Variants in QTGAL observed in about 807,000 individuals in gnomAD.
QTGAL encodes the protein BGnT-like protein 1.
chr17:82,981,848 C>T, the QTGAL span: 3 of 152,218 alleles, frequency 2.0e-5, no homozygotes, highest in African/African-American at 7.2e-5. Flanking sequence ...ACATTCTGTA[C>T]GTTTTGTGTA....
the QTGAL span, among the ~76,000 whole-genome samples, chr17:82,973,030 G>A: frequency 4.6e-5 from 7 of 152,216 alleles, no homozygotes; most frequent in Middle Eastern, 3.2e-3. Context: ...CACACAGCAC[G>A]GAGCTCTGAT....
the QTGAL span, among the ~76,000 whole-genome samples, chr17:83,030,454 A>T: frequency 6.6e-6 from 1 of 152,224 alleles, no homozygotes; most frequent in Non-Finnish European, 1.5e-5. Context: ...CTGACACGGG[A>T]CAGGCCTTGG....
At chr17:83,031,713 G>T in the QTGAL span, among the ~76,000 whole-genome samples, 2 of 152,226 alleles carry the variant, frequency 1.3e-5, no homozygotes, top group African/African-American at 2.4e-5. Flanking sequence ...CAGCAGGTGT[G>T]GGGTGGGTCC....
the QTGAL span, among the ~76,000 whole-genome samples, chr17:82,952,137 C>T: frequency 3.3e-5 from 5 of 152,358 alleles, no homozygotes; most frequent in South Asian, 4.1e-4. Context: ...GCTCTGCTCA[C>T]GTTGTTCTGC....
At chr17:83,020,812 G>A in the QTGAL span, among the ~76,000 whole-genome samples, 85 of 152,342 alleles carry the variant, frequency 5.6e-4, no homozygotes, top group Admixed American at 1.7e-3. Context: ...CTGTGAGGAC[G>A]GGGACTGGAG....
At chr17:83,048,038 CTTT>C in the QTGAL span, among the ~76,000 whole-genome samples, 1 of 149,878 alleles carries the variant, frequency 6.7e-6, no homozygotes, top group African/African-American at 2.5e-5. Context: ...CTCTCTTTCT[CTTT>C]TTTGAGATGG....
chr17:82,957,077 A>G, the QTGAL span: 2 of 1,488,970 alleles, frequency 1.3e-6, no homozygotes, highest in Non-Finnish European at 1.9e-6. Flanking sequence ...AGGAGCCAGC[A>G]CGGCCCAGGT....
the QTGAL span, chr17:83,007,375 C>A: frequency 1.5e-6 from 1 of 646,958 alleles, no homozygotes; most frequent in African/African-American, 2.0e-5. Flanking sequence ...CATCTACCTA[C>A]GTACAATTGC....
chr17:82,979,949 C>T, the QTGAL span, among the ~76,000 whole-genome samples: 1 of 152,160 alleles, frequency 6.6e-6, no homozygotes, highest in Non-Finnish European at 1.5e-5. Flanking sequence ...GGTTTTTTGA[C>T]AAGGCCCAGA....
At chr17:82,944,921 CTT>C in the QTGAL span, 3 of 152,196 alleles carry the variant, frequency 2.0e-5, no homozygotes, top group Non-Finnish European at 4.4e-5. Context: ...CAGCAAGACT[CTT>C]ATCTCAATCT....
the QTGAL span, chr17:82,956,652 C>T: frequency 3.9e-5 from 59 of 1,503,490 alleles, no homozygotes; most frequent in East Asian, 1.7e-4. This position sits in a 1 kb window ranked among gnomAD's most constrained non-coding sequence, Gnocchi z 5.7. Context: ...TGGCAGAGCC[C>T]GGGATCCCCA....
At chr17:83,018,882 G>A in the QTGAL span, among the ~76,000 whole-genome samples, 1 of 152,220 alleles carries the variant, frequency 6.6e-6, no homozygotes, top group Non-Finnish European at 1.5e-5. Context: ...TCTGGGACAT[G>A]GAGCTGTTTC....
the QTGAL span, among the ~76,000 whole-genome samples, chr17:82,980,072 T>C: frequency 3.9e-5 from 6 of 152,194 alleles, no homozygotes; most frequent in Non-Finnish European, 1.5e-5. Context: ...TAACTCAGCC[T>C]ACAAGGACAT....
chr17:82,991,822 G>A, the QTGAL span, among the ~76,000 whole-genome samples: 1 of 152,120 alleles, frequency 6.6e-6, no homozygotes, highest in African/African-American at 2.4e-5. Flanking sequence ...AGATAACACA[G>A]AAGGTATTCG....
the QTGAL span, among the ~76,000 whole-genome samples, chr17:83,037,281 C>T: frequency 9.2e-5 from 14 of 152,188 alleles, no homozygotes; most frequent in Non-Finnish European, 1.9e-4. The surrounding 1 kb of genome is among the most constrained non-coding windows in gnomAD (Gnocchi z 5.2). Context: ...TCCGGGGGGG[C>T]ATCGAGCAAG....
chr17:82,987,402 T>C, the QTGAL span, among the ~76,000 whole-genome samples: 1 of 152,122 alleles, frequency 6.6e-6, no homozygotes, highest in African/African-American at 2.4e-5. Flanking sequence ...AAACAGACAA[T>C]ACTAACACAC....
At chr17:83,026,725 CA>C in the QTGAL span, among the ~76,000 whole-genome samples, 441 of 120,230 alleles carry the variant, frequency 3.7e-3, no homozygotes, top group Middle Eastern at 7.4e-3. Flanking sequence ...CAGAGGAGGG[CA>C]GGAAGCCTGC....
chr17:83,005,964 T>A, the QTGAL span: 1 of 1,169,840 alleles, frequency 8.5e-7, no homozygotes, highest in South Asian at 2.8e-5. The surrounding 1 kb of genome is among the most constrained non-coding windows in gnomAD (Gnocchi z 5.6). Flanking sequence ...GGCAGGTCCT[T>A]CAGGGCTCAC....
chr17:82,942,581 C>T, the QTGAL span: 2 of 1,413,388 alleles, frequency 1.4e-6, no homozygotes, highest in Non-Finnish European at 2.0e-6. Flanking sequence ...GTAGCGCTGG[C>T]CCTTGGAGGC....
Sources: allele counts gnomAD v4.1 joint callset (sites outside exome capture counted in the v4.1 genomes callset), GRCh38; gene constraint gnomAD v4.1.1; non-coding constraint Gnocchi (gnomAD v3.1); transcripts MANE v1.5; gene names NCBI Gene and HGNC (gene_info 2026-07-23, HGNC 2026-07-21).